CRACD: variants seen among roughly 807,000 people sequenced by gnomAD.
The protein encoded by CRACD is capping protein-inhibiting regulator of actin dynamics.
Under a neutral mutation model 106.8 loss-of-function variants are expected in CRACD, and 56 were observed. The ratio of observed to expected loss-of-function variants is 0.52; its 90% confidence interval spans 0.42 to 0.66. CRACD has a LOEUF of 0.66. CRACD is among the 30% of genes least tolerant of loss of function. The pLI is 0.00. For synonymous variants in CRACD, 754 were observed against 670.8 expected, an observed-to-expected ratio of 1.12 and a Z score of -1.92; for missense variants, 1,730 against 1,623.2, an observed-to-expected ratio of 1.07 and a Z score of -1.13.
chr4:56,112,182 G>C (rs550443005), intron 1 of CRACD, among the ~76,000 whole-genome samples: 1 of 152,178 alleles, frequency 6.6e-6, no homozygotes, highest in Admixed American at 6.5e-5. Context: ...AATTCTGCTT[G>C]CTTCGTGCAA....
At chr4:56,172,336 G>A (rs1256781483) in intron 1 of CRACD, among the ~76,000 whole-genome samples, 15 of 152,180 alleles carry the variant, frequency 9.9e-5, no homozygotes, top group Admixed American at 9.2e-4. Flanking sequence ...CACAGTTACC[G>A]CTGCTGGGCA....
At chr4:56,056,002 AGAT>A (rs1349814051) in intron 1 of CRACD, among the ~76,000 whole-genome samples, 4 of 152,238 alleles carry the variant, frequency 2.6e-5, no homozygotes, top group African/African-American at 9.6e-5. Flanking sequence ...AATAGATAGA[AGAT>A]AACATGGTTA....
chr4:56,116,875 T>C (rs1364232214), intron 1 of CRACD, among the ~76,000 whole-genome samples: 1 of 151,452 alleles, frequency 6.6e-6, no homozygotes, highest in Middle Eastern at 3.5e-3. Context: ...GCCTGACTAA[T>C]TTTTGTATTT....
intron 2 of CRACD, among the ~76,000 whole-genome samples, chr4:56,214,652 ACTCTCTCT>A (rs572003455): frequency 2.9e-5 from 3 of 101,848 alleles, no homozygotes; most frequent in Non-Finnish European, 4.1e-5. Context: ...AGAGCTAGAC[ACTCTCTCT>A]CTCTCTCTCT....
At chr4:56,188,502 G>C (rs1737181643) in intron 2 of CRACD, among the ~76,000 whole-genome samples, 1 of 151,832 alleles carries the variant, frequency 6.6e-6, no homozygotes, top group Non-Finnish European at 1.5e-5. Context: ...TAGCTTAGCT[G>C]TCCTTAAAGG....
At chr4:56,073,675 T>G (rs1177259382) in intron 1 of CRACD, among the ~76,000 whole-genome samples, 1 of 152,210 alleles carries the variant, frequency 6.6e-6, no homozygotes, top group Non-Finnish European at 1.5e-5. Context: ...CTGATGATAG[T>G]TTCTTTTACT....
chr4:56,081,378 G>A (rs1485859512), intron 1 of CRACD, among the ~76,000 whole-genome samples: 2 of 152,154 alleles, frequency 1.3e-5, no homozygotes, highest in Non-Finnish European at 2.9e-5. Context: ...GCATTTTTGT[G>A]TGTGTGTTGT....
intron 2 of CRACD, among the ~76,000 whole-genome samples, chr4:56,187,070 GA>G (rs1050840068): frequency 3.9e-4 from 53 of 135,622 alleles, no homozygotes; most frequent in African/African-American, 4.9e-4. Flanking sequence ...CCCTATCCAA[GA>G]AAAAAAAAAA....
intron 2 of CRACD, among the ~76,000 whole-genome samples, chr4:56,199,677 G>A (rs146027182): frequency 0.026 from 3,135 of 118,958 alleles, 110 homozygotes; most frequent in African/African-American, 0.086. Flanking sequence ...GCGAAACTCC[G>A]TCTCAAAAAA....
intron 2 of CRACD, among the ~76,000 whole-genome samples, chr4:56,193,641 T>C (rs17806720): frequency 0.033 from 5,051 of 152,344 alleles, 120 homozygotes; most frequent in Admixed American, 0.056. Flanking sequence ...TATTAAGTTA[T>C]GAGAATCATT....
chr4:56,196,066 G>C (rs7664538), intron 2 of CRACD, among the ~76,000 whole-genome samples: 7,197 of 152,254 alleles, frequency 0.047, 464 homozygotes, highest in African/African-American at 0.14. Context: ...ATCAGGATAA[G>C]AGTCAGGAAT....
chr4:56,188,711 C>CACACAGAGAGAGAG (rs1446016845), intron 2 of CRACD, among the ~76,000 whole-genome samples: 10 of 113,162 alleles, frequency 8.8e-5, no homozygotes, highest in African/African-American at 3.9e-4. Context: ...CACACACACA[C>CACACAGAGAGAGAG]AGAGAGAGAG....
chr4:56,159,376 C>T (rs181725271), intron 1 of CRACD, among the ~76,000 whole-genome samples: 5 of 152,310 alleles, frequency 3.3e-5, no homozygotes, highest in East Asian at 1.9e-4. Context: ...CTCAGCTGGA[C>T]GCGGTGGCTC....
At chr4:56,106,524 GATTT>G (rs1176916234) in intron 1 of CRACD, among the ~76,000 whole-genome samples, 1 of 152,206 alleles carries the variant, frequency 6.6e-6, no homozygotes, top group Non-Finnish European at 1.5e-5. Flanking sequence ...TGGCAAGATT[GATTT>G]ATTCTGCAAT....
At chr4:56,229,365 C>T (rs192052500) in intron 2 of CRACD, among the ~76,000 whole-genome samples, 8 of 152,288 alleles carry the variant, frequency 5.3e-5, no homozygotes, top group Non-Finnish European at 5.9e-5. Context: ...CTTCTTTGCC[C>T]TTCTGCCATA....
intron 1 of CRACD, among the ~76,000 whole-genome samples, chr4:56,060,405 G>T (rs886368787): frequency 6.6e-6 from 1 of 152,120 alleles, no homozygotes; most frequent in Non-Finnish European, 1.5e-5. Context: ...GGTAGAATAA[G>T]GGAAGATCAG....
At chr4:56,191,326 C>T (rs1417275171) in intron 2 of CRACD, among the ~76,000 whole-genome samples, 1 of 151,692 alleles carries the variant, frequency 6.6e-6, no homozygotes, top group African/African-American at 2.4e-5. Flanking sequence ...GGCTTGTGGC[C>T]CCTTCCTCCC....
intron 1 of CRACD, among the ~76,000 whole-genome samples, chr4:56,077,875 A>G (rs542933797): frequency 6.6e-6 from 1 of 152,302 alleles, no homozygotes; most frequent in South Asian, 2.1e-4. Context: ...AGACCTTAAG[A>G]GCTCAGCAGC....
intron 1 of CRACD, among the ~76,000 whole-genome samples, chr4:56,156,262 G>T (rs552581242): frequency 2.0e-5 from 3 of 152,098 alleles, no homozygotes; most frequent in Non-Finnish European, 2.9e-5. Context: ...GCACCTGGCC[G>T]AATGTTGTCA....
Sources: gnomAD v4.1 joint callset for allele counts (sites outside exome capture counted in the v4.1 genomes callset) on GRCh38, gnomAD v4.1.1 for gene constraint, MANE v1.5 for transcripts, NCBI Gene and HGNC (gene_info 2026-07-23, HGNC 2026-07-21) for gene names.